The following TAS1R2 variants were observed in gnomAD, a reference collection of about 807,000 sequenced individuals.
TAS1R2 encodes the protein taste 1 receptor member 2.
In TAS1R2, 47 loss-of-function variants were observed where a neutral mutation model predicts 49.3. The observed-to-expected ratio is 0.95, with a 90% confidence interval of 0.75 to 1.22. TAS1R2 has a LOEUF of 1.22. Among genes scored for constraint, TAS1R2 ranks in the 50% most tolerant of loss-of-function variants. TAS1R2 has a pLI of 0.00. For synonymous variants in TAS1R2, 479 were observed against 467.9 expected (o/e 1.02, Z -0.31); for missense variants, 1,155 against 1,122.1 (o/e 1.03, Z -0.42).
rs1020975302 is a variant in TAS1R2 at position 18,857,268 on chromosome 1, C to T, written c.483+63G>A. On this transcript the variant is annotated intron_variant, in intron 2 of 5. Transcript: ENST00000375371. The stretch of plus-strand genomic sequence containing the variant: ...TTGATGGAGGAAGTGGCTTCTGAGG[C>T]CTCTAGACAGCCATTCCTCTGCCCC... 1.2e-5 allele frequency: 19 copies of T among 1,538,114 alleles called. No individual in the cohort carries two copies. The Admixed American group carries it at 3.5e-4, about 28-fold the overall frequency.
intron 3 of TAS1R2, among the ~76,000 whole-genome samples, chr1:18,850,486 C>G (rs1478455899): frequency 1.3e-5 from 2 of 152,256 alleles, no homozygotes; most frequent in African/African-American, 4.8e-5. Flanking sequence ...GGAATGTGCA[C>G]AGGTTGCTAA....
chr1:18,851,954 G>A (rs1190542708), intron 3 of TAS1R2, among the ~76,000 whole-genome samples: 1 of 152,224 alleles, frequency 6.6e-6, no homozygotes, highest in African/African-American at 2.4e-5. Flanking sequence ...CTGCTCAACA[G>A]TGTCTGTCTG....
In TAS1R2 at chr1:18,854,602, G is replaced by T. The variant is rs766879604; in HGVS notation, c.868C>A (p.Arg290Ser). Residue 290 changes from arginine (R) to serine (S), a missense_variant, in exon 3 of 6, where the codon CGC becomes AGC. By Grantham distance (110) the Arg-to-Ser change is moderately radical (BLOSUM62 -1). Coordinates refer to ENST00000375371, the Ensembl canonical transcript of TAS1R2. The surrounding 1 kb of genome is among the most constrained non-coding windows in gnomAD (Gnocchi z 4.9). ...CACACGGCGCCAGTGAAGTTCTGGC[G>T]CAGCACCTCATTGAAGAAGTGGTAC... The T allele has an allele frequency of 1.2e-6, 2 of 1,614,056 alleles. No homozygotes were observed. The highest frequency in any genetic ancestry group is 2.2e-5 in the South Asian group (2 of 91,084).
intron 4 of TAS1R2, 131 bp from the exon 5 acceptor site, chr1:18,841,983 A>AC (rs1933838918): frequency 9.5e-4 from 625 of 659,730 alleles, no homozygotes; most frequent in East Asian, 1.8e-3. Flanking sequence ...TGGAAACTGT[A>AC]GAAAAAAAAA....
intron 4 of TAS1R2, among the ~76,000 whole-genome samples, chr1:18,849,010 G>C (rs1933971813): frequency 6.6e-6 from 1 of 152,124 alleles, no homozygotes; most frequent in Non-Finnish European, 1.5e-5. Context: ...ACCAGTCCCT[G>C]GCGCCAAAAA....
At chr1:18,853,747 C>G (rs1934074325) in intron 3 of TAS1R2, among the ~76,000 whole-genome samples, 1 of 152,148 alleles carries the variant, frequency 6.6e-6, no homozygotes, top group Non-Finnish European at 1.5e-5. Context: ...TTCTATATCC[C>G]AGAAAGCTTC....
chr1:18,855,043 C>G, intron 2 of TAS1R2, 57 bp from the exon 3 acceptor site: 1 of 1,557,944 alleles, frequency 6.4e-7, no homozygotes, highest in Non-Finnish European at 8.7e-7. Context: ...TCTGCCCCCA[C>G]CCCAGGGCTC....
At chr1:18,841,651 G>A in intron 5 of TAS1R2, 78 bp downstream of exon 5, 1 of 1,532,706 alleles carries the variant, frequency 6.5e-7, no homozygotes, top group Non-Finnish European at 8.9e-7. Context: ...TGCCAAGGAG[G>A]ACAAGCCCTA....
At chr1:18,845,801 A>C (rs1220106677) in intron 4 of TAS1R2, among the ~76,000 whole-genome samples, 1 of 152,186 alleles carries the variant, frequency 6.6e-6, no homozygotes, top group Non-Finnish European at 1.5e-5. Flanking sequence ...AATGCAAGGC[A>C]ACTAAGGGCC....
chr1:18,856,136 C>T (rs979874897), intron 2 of TAS1R2, among the ~76,000 whole-genome samples: 4 of 152,180 alleles, frequency 2.6e-5, no homozygotes, highest in African/African-American at 9.7e-5. Context: ...CTAAGGGCTC[C>T]GTCATTTATC....
chr1:18,857,305 C>T (rs1434564971), intron 2 of TAS1R2, 26 bp downstream of exon 2: 1 of 1,603,530 alleles, frequency 6.2e-7, no homozygotes, highest in South Asian at 1.1e-5. Flanking sequence ...CTCCCCAGGT[C>T]CTTCTCCAGG....
intron 4 of TAS1R2, among the ~76,000 whole-genome samples, chr1:18,848,397 C>CT (rs1366544418): frequency 2.0e-5 from 3 of 152,146 alleles, no homozygotes; most frequent in African/African-American, 7.2e-5. Context: ...ACCCCTCTTC[C>CT]TGGGGAGCTG....
Position 18,854,711 on chromosome 1 carries a change from C to G in TAS1R2, c.759G>C (p.Glu253Asp). Residue 253 changes from glutamate to aspartate, a missense_variant, in exon 3 of 6, where the codon GAG (glutamate) becomes GAC (aspartate). Transcript: ENST00000375371. The surrounding 1 kb of genome is among the most constrained non-coding windows in gnomAD (Gnocchi z 4.9). ...CCACAATGGTCACCAGGCGCTGGCG[C>G]TCCTCTGACGTCATGTTCTGGTTGG... 1 of 1,613,432 alleles carries G rather than the reference C, an allele frequency of 6.2e-7. No homozygotes were observed. The highest frequency in any genetic ancestry group is 8.5e-7 in the Non-Finnish European group (1 of 1,179,918).
At chr1:18,842,775 G>A (rs781685305) in intron 4 of TAS1R2, among the ~76,000 whole-genome samples, 1 of 152,184 alleles carries the variant, frequency 6.6e-6, no homozygotes, top group Non-Finnish European at 1.5e-5. Flanking sequence ...TAGAAGGATG[G>A]TTGCCAGAGG....
chr1:18,848,201 C>T (rs535360058), intron 4 of TAS1R2, among the ~76,000 whole-genome samples: 1 of 152,078 alleles, frequency 6.6e-6, no homozygotes, highest in African/African-American at 2.4e-5. Context: ...TAGAGAACCT[C>T]CACCACAGAC....
chr1:18,859,511 G>T, exon 1 of TAS1R2: 1 of 1,614,160 alleles, frequency 6.2e-7, no homozygotes, highest in Non-Finnish European at 8.5e-7. Flanking sequence ...GGAAGTTAAG[G>T]TGAACAATGC....
chr1:18,840,669 G>T, intron 5 of TAS1R2, 142 bp from the exon 6 acceptor site: 1 of 789,970 alleles, frequency 1.3e-6, no homozygotes, highest in Non-Finnish European at 2.1e-6. Flanking sequence ...TACTCCTCAA[G>T]TCTCATGTGC....
intron 4 of TAS1R2, 79 bp from the exon 5 acceptor site, chr1:18,841,931 A>T: frequency 6.1e-6 from 8 of 1,312,538 alleles, no homozygotes; most frequent in African/African-American, 1.5e-5. Context: ...AACCAGCAGG[A>T]TGTTCAGGGG....
chr1:18,852,782 C>T (rs1934056016), intron 3 of TAS1R2, among the ~76,000 whole-genome samples: 1 of 152,242 alleles, frequency 6.6e-6, no homozygotes, highest in African/African-American at 2.4e-5. Flanking sequence ...CTCCCTACTT[C>T]AGTCCTGCCT....
Sources: allele counts gnomAD v4.1 joint callset (sites outside exome capture counted in the v4.1 genomes callset), GRCh38; gene constraint gnomAD v4.1.1; non-coding constraint Gnocchi (gnomAD v3.1); transcripts MANE v1.5; gene names NCBI Gene and HGNC (gene_info 2026-07-23, HGNC 2026-07-21).